WDR54: variants seen among roughly 807,000 people sequenced by gnomAD.
WDR54 encodes WD repeat domain 54.
In WDR54, 44 loss-of-function variants were observed where a neutral mutation model predicts 44.1. The ratio of observed to expected loss-of-function variants is 1.00; its 90% CI spans 0.78 to 1.28. The LOEUF is 1.28. WDR54 is among the 50% of genes most tolerant of loss of function. The pLI is 0.00. For missense variants in WDR54, 409 were observed against 429.7 expected (o/e 0.95, Z 0.43); for synonymous variants, 169 against 169.8 (o/e 1.00, Z 0.04).
At chr2:74,422,673 A>G (rs1057462898) in intron 2 of WDR54, 197 bp from the exon 3 acceptor site, 3 of 622,722 alleles carry the variant, frequency 4.8e-6, no homozygotes, top group Non-Finnish European at 5.6e-6. Flanking sequence ...TGCACCTGTA[A>G]TCCCAGCTAC....
chr2:74,424,294 C>A (rs1006131301), intron 6 of WDR54, among the ~76,000 whole-genome samples: 2 of 152,226 alleles, frequency 1.3e-5, no homozygotes, highest in African/African-American at 2.4e-5. Context: ...TCAGGCCCAG[C>A]TCCAGTGCCA....
Position 74,423,487 on chromosome 2 carries a change from T to TGTTTGCCCGGGGAATTGCTGCCA in WDR54, c.365_387dup (p.Gly130LeufsTer35), listed in dbSNP as rs749768393. 5.0e-6 allele frequency: 8 copies of TGTTTGCCCGGGGAATTGCTGCCA among 1,613,826 alleles called. No individual in the cohort carries two copies. Among genetic ancestry groups the TGTTTGCCCGGGGAATTGCTGCCA allele is most frequent in the Non-Finnish European group, 6.8e-6 (8 of 1,179,906 alleles). ...CCCCTTTCATATTCAGTACAGGCTG[T>TGTTTGCCCGGGGAATTGCTGCCA]GTTTGCCCGGGGAATTGCTGCCAGT... On this transcript the variant is annotated frameshift_variant, in exon 5 of 10. Transcript: ENST00000348227. LOFTEE classifies it high-confidence loss of function.
At chr2:74,424,053 T>C in intron 6 of WDR54, 71 bp downstream of exon 6, 1 of 1,593,768 alleles carries the variant, frequency 6.3e-7, no homozygotes. Context: ...GCTTTGAGTC[T>C]TGGCTCTGCC....
chr2:74,422,794 C>CAAAAA, intron 2 of WDR54, 76 bp from the exon 3 acceptor site: 3 of 1,050,076 alleles, frequency 2.9e-6, no homozygotes, highest in Admixed American at 2.4e-5. Flanking sequence ...CTCCGTCCCC[C>CAAAAA]AAAAAAAAAA....
chr2:74,422,037 C>G, intron 1 of WDR54, 116 bp from the exon 2 acceptor site: 1 of 1,090,790 alleles, frequency 9.2e-7, no homozygotes, highest in South Asian at 1.4e-5. Context: ...TCTGGGCACC[C>G]CATCCTATGA....
At chr2:74,422,482 G>A (rs80096577) in intron 2 of WDR54, 107 bp downstream of exon 2, 2 of 1,306,612 alleles carry the variant, frequency 1.5e-6, no homozygotes, top group African/African-American at 1.5e-5. Context: ...ATCTCCCCAG[G>A]CATGTCCTAA....
At chr2:74,421,890 C>G in intron 1 of WDR54, 74 bp downstream of exon 1, 1 of 619,944 alleles carries the variant, frequency 1.6e-6, no homozygotes, top group East Asian at 2.8e-5. Flanking sequence ...CTTCATCACA[C>G]TTATTTGGCT....
chr2:74,421,864 G>A lies in WDR54; in HGVS notation c.-2+48G>A, dbSNP rs1166070309. 15 of 636,052 alleles carry A rather than the reference G, an allele frequency of 2.4e-5. No homozygotes were observed. In the East Asian group the frequency reaches 3.0e-4, roughly 13 times the overall value. The allele number at this position is 636,052 out of a possible 1,614,324, so 39.4% of individuals were successfully genotyped here. On this transcript the variant is annotated intron_variant, in intron 1 of 9. Transcript: ENST00000348227. ...GGGGCTTCAGGGATCCGAGCCGAGG[G>A]AGAAAGCCTTGGGGGCTTCATCACA...
rs760395412 is a variant in WDR54, at chr2:74,422,367, A to T, written c.214A>T (p.Ile72Phe). 1 of 1,612,232 alleles carries T rather than the reference A, an allele frequency of 6.2e-7. No homozygotes were observed. Among genetic ancestry groups the T allele is most frequent in the East Asian group, 2.2e-5 (1 of 44,794 alleles). ...KEGAGVSPPL[I>F]TQVHWCVLPF... ...GGGTGCTGGAGTGAGTCCCCCACTT[A>T]TCACTCAGGTGAGGCATGGAGCTGG... Residue 72 changes from isoleucine (I) to phenylalanine (F), a missense_variant, in exon 2 of 10, where the codon ATC (isoleucine) becomes TTC (phenylalanine). By Grantham distance (21) the Ile-to-Phe change is conservative (BLOSUM62 0). Transcript: ENST00000348227.
At chr2:74,422,103 G>C in intron 1 of WDR54, 50 bp from the exon 2 acceptor site, 1 of 1,581,012 alleles carries the variant, frequency 6.3e-7, no homozygotes, top group African/African-American at 1.3e-5. Flanking sequence ...GGGCATCTCC[G>C]CTGCGTCTGT....
At chr2:74,423,705 C>T (rs1012369716) in intron 5 of WDR54, 150 bp from the exon 6 acceptor site, 1 of 1,437,188 alleles carries the variant, frequency 7.0e-7, no homozygotes, top group Admixed American at 1.9e-5. Context: ...TGGGATAAGA[C>T]AAGGCTAGTG....
In WDR54 at chr2:74,424,966, C is replaced by T. The variant is rs1358476836; in HGVS notation, c.626C>T (p.Pro209Leu). The T allele has an allele frequency of 8.1e-6, 13 of 1,614,188 alleles. No homozygotes were observed. Among genetic ancestry groups the T allele is most frequent in the East Asian group, 2.2e-5 (1 of 44,886 alleles). The part of the protein sequence containing the change: ...GPEFTLLTRI[P>L]GFGVPCPSVQ... ...GAATTCACATTATTGACCCGCATTC[C>T]AGGATTTGGGTAGGTGAGGCAGAAA... The change falls in exon 7 of 10, where the codon CCA becomes CTA. Residue 209 changes from proline to leucine, a missense_variant. Physicochemically the swap from Pro to Leu is moderately conservative, Grantham distance 98. Transcript: ENST00000348227.
chr2:74,424,905 G>A lies in WDR54; in HGVS notation c.565G>A (p.Asp189Asn), dbSNP rs1670300445. Residue 189 changes from aspartate (D) to asparagine (N), a missense_variant, in exon 7 of 10, where the codon GAC becomes AAC. Asp to Asn is a conservative substitution (Grantham distance 23, BLOSUM62 1). Coordinates refer to ENST00000348227, the MANE Select transcript of WDR54 (RefSeq NM_032118.4). ...TGTGGCTGACATGGTGACGGCAGAT[G>A]ACTCAGGCTTGCTGTGTGTCTGGCG... is the stretch of plus-strand genomic sequence containing the variant. ...DCVADMVTAD[D>N]SGLLCVWRSG... 6.2e-7 allele frequency: 1 copy of A among 1,614,192 alleles called. No individual in the cohort carries two copies. Among genetic ancestry groups the A allele is most frequent in the Non-Finnish European group, 8.5e-7 (1 of 1,180,036 alleles).
chr2:74,425,334 T>A, intron 8 of WDR54, 83 bp from the exon 9 acceptor site: 1 of 1,586,754 alleles, frequency 6.3e-7, no homozygotes, highest in Non-Finnish European at 8.6e-7. Context: ...TGTAGCCCCC[T>A]CCCCTGGGGC....
Position 74,423,622 on chromosome 2 carries a change from G to A in WDR54, c.406+91G>A, listed in dbSNP as rs1670222643. On this transcript the variant is annotated intron_variant, in intron 5 of 9. Coordinates refer to ENST00000348227, the MANE Select transcript of WDR54 (RefSeq NM_032118.4). The stretch of plus-strand genomic sequence containing the variant: ...TGAGGGCCTGAGGAAATTGTGGAAA[G>A]TTAGAGGGAAGGGTGGAAGTGGAGT... The A allele has an allele frequency of 7.1e-6, 11 of 1,550,980 alleles. No individual in the cohort carries two copies. In the South Asian group the frequency reaches 1.2e-4, roughly 16 times the overall value.
At chr2:74,424,365 AC>A (rs1216543119) in intron 6 of WDR54, among the ~76,000 whole-genome samples, 1 of 152,086 alleles carries the variant, frequency 6.6e-6, no homozygotes, top group East Asian at 1.9e-4. Context: ...CTTAGCTGAA[AC>A]CTGAATTGGC....
Position 74,424,002 on chromosome 2 carries a change from C to T in WDR54, c.534+20C>T. ...GGACAGGTGAGTGGACTTCCCCTAC[C>T]CATCTGGGAGCCTTCCCCACCCTGG... On this transcript the variant is annotated intron_variant, in intron 6 of 9. Transcript: ENST00000348227. 1.9e-6 allele frequency: 3 copies of T among 1,613,732 alleles called. No homozygotes were observed. Among genetic ancestry groups the T allele is most frequent in the Non-Finnish European group, 2.5e-6 (3 of 1,179,862 alleles).
rs765505244 is a variant in WDR54, at chr2:74,423,538, G to C, written c.406+7G>C. On this transcript the variant is annotated splice_region_variant and intron_variant, in intron 5 of 9. Coordinates refer to ENST00000348227, the MANE Select transcript of WDR54 (RefSeq NM_032118.4). Reference sequence around the variant, plus strand: ...GGCCACTTCATCTGTGTGGGTGAGGGAGCCAAGTGCAGGGCATGGAGGGGT... The same window carrying C: ...GGCCACTTCATCTGTGTGGGTGAGGCAGCCAAGTGCAGGGCATGGAGGGGT... 3.1e-6 allele frequency: 5 copies of C among 1,613,684 alleles called. No homozygotes were observed. The highest frequency in any genetic ancestry group is 4.2e-6 in the Non-Finnish European group (5 of 1,179,810).
rs749481177 is a variant in WDR54, at chr2:74,425,673, C to T, written c.977C>T (p.Ala326Val). The T allele has an allele frequency of 3.5e-5, 57 of 1,614,088 alleles. No individual in the cohort carries two copies. Among genetic ancestry groups the T allele is most frequent in the Middle Eastern group, 1.6e-4 (1 of 6,084 alleles). ...TTTGCTGTGACTGGCTATGACCTTG[C>T]GGAGATCCGGAGATTCAGCAGTGTG... ...NSFAVTGYDL[A>V]EIRRFSSV Residue 326 changes from alanine (A) to valine (V), a missense_variant, in exon 10 of 10, where the codon GCG becomes GTG. Ala to Val is a moderately conservative substitution (Grantham distance 64). Coordinates refer to ENST00000348227, the MANE Select transcript of WDR54 (RefSeq NM_032118.4).
Sources: allele counts gnomAD v4.1 joint callset (sites outside exome capture counted in the v4.1 genomes callset), GRCh38; gene constraint gnomAD v4.1.1; transcripts MANE v1.5; gene names NCBI Gene and HGNC (gene_info 2026-07-23, HGNC 2026-07-21).